NBEA: variants seen among roughly 807,000 people sequenced by gnomAD.
NBEA encodes the protein lysosomal-trafficking regulator 2.
Under a neutral mutation model 343.4 loss-of-function variants are expected in NBEA, and 44 were observed. The observed-to-expected ratio is 0.13, with a 90% CI of 0.10 to 0.16. The LOEUF is 0.16. Among genes scored for constraint, NBEA ranks in the 10% least tolerant of loss-of-function variants. The probability of loss-of-function intolerance (pLI) is 1.00; values close to 1 mark genes in which losing one functional copy is unlikely to be tolerated. For synonymous variants in NBEA, 1,175 were observed against 1,238.7 expected (o/e 0.95, Z 1.08); for missense variants, 2,555 against 3,631.3 (o/e 0.70, Z 7.62).
rs1385818562 is a variant in NBEA, at chr13:35,631,571, CTTAAA to C, written c.7617+3329_7617+3333del. Among the ~76,000 whole-genome samples the C allele has an allele frequency of 5.6e-5, 8 of 143,324 alleles. No individual in the cohort carries two copies. The South Asian group carries it at 8.7e-4, about 16-fold the overall frequency. The allele number at this position is 143,324 out of a possible 152,430, so 94.0% of individuals were successfully genotyped here. A position where few individuals can be genotyped will look rare whatever the true frequency, so the allele number is the denominator to read the frequency against. ...CTAGCCTAAGATGGATTTTTTCATG[CTTAAA>C]TTAAACACTAATTTAAAAAGAGAAA... On this transcript the variant is annotated intron_variant, in intron 49 of 58. Coordinates refer to ENST00000379939, the MANE Select transcript of NBEA (RefSeq NM_001385012.1).
chr13:35,432,311 T>C lies in NBEA; in HGVS notation c.6222T>C (p.Asp2074=). 3 of 1,607,244 alleles carry C rather than the reference T, an allele frequency of 1.9e-6. No individual in the cohort carries two copies. The highest frequency in any genetic ancestry group is 2.6e-6 in the Non-Finnish European group (3 of 1,176,442). Reference sequence around the variant, plus strand: ...GGCGTTTGGATTACTGGGAAGATGATCTTCGTCGAAGGAGACGATTTGTTC... The same window carrying C: ...GGCGTTTGGATTACTGGGAAGATGACCTTCGTCGAAGGAGACGATTTGTTC... ...DFWRLDYWED[D]LRRRRRFVRN... Residue 2074 remains aspartate (D), a synonymous_variant, in exon 39 of 59, where the codon GAT becomes GAC. Transcript: ENST00000379939.
chr13:35,387,219 A>G (rs1345511550), intron 38 of NBEA, among the ~76,000 whole-genome samples: 1 of 152,166 alleles, frequency 6.6e-6, no homozygotes, highest in African/African-American at 2.4e-5. Flanking sequence ...TATCATGAGA[A>G]AAATTCAATT....
chr13:35,633,424 G>A (rs892606476), intron 49 of NBEA, among the ~76,000 whole-genome samples: 5 of 150,574 alleles, frequency 3.3e-5, no homozygotes, highest in Admixed American at 6.6e-5. Context: ...TCAGCTGGGC[G>A]TGATAGCTCA....
At chr13:35,020,337 A>T (rs976462756) in intron 1 of NBEA, among the ~76,000 whole-genome samples, 1 of 152,096 alleles carries the variant, frequency 6.6e-6, no homozygotes, top group East Asian at 1.9e-4. Context: ...TTCTACCGTG[A>T]TCAGATATCA....
intron 34 of NBEA, among the ~76,000 whole-genome samples, chr13:35,259,829 A>G (rs1296850075): frequency 1.3e-5 from 2 of 152,170 alleles, no homozygotes; most frequent in East Asian, 1.9e-4. Flanking sequence ...TCAAATGGTC[A>G]AGATTTTGTG....
rs1208229493 is a variant in NBEA, at chr13:35,070,023, C to G, written c.1355C>G (p.Thr452Ser). ...GCCTTTACATATAATGCTAAGGCCA[C>G]TGATGCTCAGCTCTGCCTGGAATCA... ...SIAFTYNAKA[T>S]DAQLCLESSP... The change falls in exon 9 of 59, where the codon ACT (threonine) becomes AGT (serine). Residue 452 changes from threonine (T) to serine (S), a missense_variant. Physicochemically the swap from Thr to Ser is moderately conservative, Grantham distance 58. This residue lies in a region of NBEA where 75 missense variants were observed against 237.4 expected (regional missense o/e 0.32). Coordinates refer to ENST00000379939, the MANE Select transcript of NBEA (RefSeq NM_001385012.1). 6.2e-7 allele frequency: 1 copy of G among 1,607,004 alleles called. No individual in the cohort carries two copies. The highest frequency in any genetic ancestry group is 8.5e-7 in the Non-Finnish European group (1 of 1,177,152).
intron 38 of NBEA, among the ~76,000 whole-genome samples, chr13:35,425,198 G>A (rs575309565): frequency 1.3e-5 from 2 of 152,136 alleles, no homozygotes; most frequent in East Asian, 1.9e-4. Flanking sequence ...GCTTTTGAAT[G>A]TGTTTGCTCT....
intron 47 of NBEA, among the ~76,000 whole-genome samples, chr13:35,595,866 G>T (rs1376931326): frequency 6.6e-6 from 1 of 151,934 alleles, no homozygotes; most frequent in East Asian, 1.9e-4. Flanking sequence ...GAAAAATTAA[G>T]TTATGTTTGT....
chr13:35,138,176 A>T (rs1266008090), intron 17 of NBEA, among the ~76,000 whole-genome samples: 1 of 152,130 alleles, frequency 6.6e-6, no homozygotes, highest in East Asian at 1.9e-4. Context: ...TACATACCAA[A>T]TTGACTATTT....
At chr13:35,545,014 A>G (rs967332680) in intron 41 of NBEA, among the ~76,000 whole-genome samples, 3 of 152,230 alleles carry the variant, frequency 2.0e-5, no homozygotes, top group Non-Finnish European at 4.4e-5. Context: ...TCAAGTATAC[A>G]TGAAAGTACT....
rs748404068 is a variant in NBEA, at chr13:35,159,645, A to T, written c.3474A>T (p.Leu1158=). The change falls in exon 22 of 59, where the codon CTA becomes CTT. Residue 1158 remains leucine (L), a synonymous_variant. Coordinates refer to ENST00000379939, the MANE Select transcript of NBEA (RefSeq NM_001385012.1). ...FDKIPKQEEK[L]LPELSSNHII... ...AAATACCCAAACAGGAGGAAAAACT[A>T]CTTCCTGAACTTTCTAGCAATCACA... The T allele has an allele frequency of 1.2e-6, 2 of 1,611,022 alleles. No homozygotes were observed. The highest frequency in any genetic ancestry group is 4.5e-5 in the East Asian group (2 of 44,690).
At chr13:35,324,273 A>G (rs149792843) in intron 36 of NBEA, among the ~76,000 whole-genome samples, 89 of 152,362 alleles carry the variant, frequency 5.8e-4, no homozygotes, top group African/African-American at 2.1e-3. Flanking sequence ...TAGCCTATGC[A>G]AGAGTCCCAA....
intron 48 of NBEA, among the ~76,000 whole-genome samples, chr13:35,610,496 A>G (rs1362200971): frequency 1.1e-5 from 1 of 92,020 alleles, no homozygotes; most frequent in African/African-American, 4.1e-5. Flanking sequence ...ATCTATATCC[A>G]AAAAAAAGGA....
intron 1 of NBEA, among the ~76,000 whole-genome samples, chr13:35,031,310 C>G (rs2062208360): frequency 6.6e-6 from 1 of 151,412 alleles, no homozygotes; most frequent in South Asian, 2.1e-4. Flanking sequence ...TAATAATGAA[C>G]AAAAAGGAGT....
chr13:35,045,213 CTAGTT>C lies in NBEA; in HGVS notation c.628-92_628-88del. 3.3e-6 allele frequency: 4 copies of C among 1,225,028 alleles called. No homozygotes were observed. The South Asian group carries it at 4.5e-5, about 14-fold the overall frequency. 75.9% of individuals were successfully genotyped at this position (1,225,028 alleles called of 1,614,324 possible). On this transcript the variant is annotated intron_variant, in intron 3 of 58. Coordinates refer to ENST00000379939, the MANE Select transcript of NBEA (RefSeq NM_001385012.1). ...AATGATTTAAAATTAATTTTTCTCTCTAGTTAGAAAACAGTCCAATGGGTAACATG... is the reference window on the plus strand; with the variant it reads ...AATGATTTAAAATTAATTTTTCTCTCAGAAAACAGTCCAATGGGTAACATG...
At chr13:35,401,408 A>G (rs1212159353) in intron 38 of NBEA, among the ~76,000 whole-genome samples, 3 of 152,078 alleles carry the variant, frequency 2.0e-5, no homozygotes, top group African/African-American at 4.8e-5. Flanking sequence ...AGGGCTATCA[A>G]TAAGTGTTAC....
intron 34 of NBEA, among the ~76,000 whole-genome samples, chr13:35,272,548 GAC>G (rs1379151587): frequency 6.6e-6 from 1 of 152,116 alleles, no homozygotes; most frequent in African/African-American, 2.4e-5. Context: ...CCAATTAAAA[GAC>G]ACAGACTGGC....
chr13:34,942,784 C>T lies in NBEA; in HGVS notation c.-37C>T, dbSNP rs1414930206. On this transcript the variant is annotated 5_prime_UTR_variant, in exon 1 of 59. Coordinates refer to ENST00000379939, the MANE Select transcript of NBEA (RefSeq NM_001385012.1). Reference sequence around the variant, plus strand: ...GGTATAACGGTACCGGCGGCGGCAGCGCCGCTGCTCTTCCCTTCTCCTCAG... The same window carrying T: ...GGTATAACGGTACCGGCGGCGGCAGTGCCGCTGCTCTTCCCTTCTCCTCAG... The T allele has an allele frequency of 2.4e-5, 31 of 1,307,468 alleles. No homozygotes were observed. The highest frequency in any genetic ancestry group is 2.8e-5 in the Non-Finnish European group (29 of 1,028,710). 81.0% of individuals were successfully genotyped at this position (1,307,468 alleles called of 1,614,324 possible).
At chr13:35,098,928 G>A (rs954555388) in intron 11 of NBEA, among the ~76,000 whole-genome samples, 1 of 151,808 alleles carries the variant, frequency 6.6e-6, no homozygotes, top group African/African-American at 2.4e-5. Flanking sequence ...TTCTCGGACT[G>A]AAAATCGTAT....
Sources: allele counts gnomAD v4.1 joint callset (sites outside exome capture counted in the v4.1 genomes callset), GRCh38; gene constraint gnomAD v4.1.1; regional missense constraint gnomAD v4.1.1; transcripts MANE v1.5; gene names NCBI Gene and HGNC (gene_info 2026-07-23, HGNC 2026-07-21).